RNF217: variants seen among roughly 807,000 people sequenced by gnomAD.
RNF217 encodes E3 ubiquitin-protein ligase RNF217.
In RNF217, 31 loss-of-function variants were observed where a neutral mutation model predicts 57.8. That is an observed-to-expected ratio of 0.54 (90% CI 0.40 to 0.72). RNF217 has a LOEUF of 0.72. Among genes scored for constraint, RNF217 ranks in the 30% least tolerant of loss-of-function variants. The pLI is 0.00. For missense variants in RNF217, 696 were observed against 708.3 expected (o/e 0.98, Z 0.20); for synonymous variants, 313 against 294.0 (o/e 1.06, Z -0.66).
chr6:125,036,842 T>A (rs1786645491), intron 1 of RNF217, among the ~76,000 whole-genome samples: 1 of 150,946 alleles, frequency 6.6e-6, no homozygotes, highest in African/African-American at 2.4e-5. Context: ...GAATGGCGAT[T>A]AAAAAGCCAG....
At chr6:125,025,773 G>A (rs910916575) in intron 1 of RNF217, among the ~76,000 whole-genome samples, 15 of 138,054 alleles carry the variant, frequency 1.1e-4, no homozygotes, top group African/African-American at 3.4e-4. Context: ...GGGAGGGAGG[G>A]AGGGAAGGAA....
chr6:125,008,469 A>T (rs1384226386), intron 1 of RNF217, among the ~76,000 whole-genome samples: 1 of 152,178 alleles, frequency 6.6e-6, no homozygotes, highest in African/African-American at 2.4e-5. Flanking sequence ...CATGAATCGC[A>T]TGCATACTGC....
At chr6:125,035,839 GT>G (rs1457123280) in intron 1 of RNF217, among the ~76,000 whole-genome samples, 1 of 148,268 alleles carries the variant, frequency 6.7e-6, no homozygotes, top group Non-Finnish European at 1.5e-5. Context: ...TTATTTGTGG[GT>G]TTTTTTGTTT....
chr6:125,032,354 A>T (rs1786396953), intron 1 of RNF217, among the ~76,000 whole-genome samples: 1 of 152,172 alleles, frequency 6.6e-6, no homozygotes, highest in South Asian at 2.1e-4. Context: ...CTCCATACCC[A>T]TAATTCTTAA....
rs572026398 is a variant in RNF217 at position 124,970,287 on chromosome 6, GA to G, written c.882+6863del. On this transcript the variant is annotated intron_variant, in intron 1 of 5. Transcript: ENST00000521654. ...TAAAAAGATCAGTTAGAAGACTATG[GA>G]ATAAATCAAAGGAGAGACAATACAG... 3.3e-5 allele frequency among the ~76,000 whole-genome samples: 5 copies of G among 152,306 alleles called. No homozygotes were observed. The South Asian group carries it at 1.0e-3, about 32-fold the overall frequency.
chr6:125,029,620 A>G lies in RNF217; in HGVS notation c.883-15591A>G, dbSNP rs1301499149. On this transcript the variant is annotated intron_variant, in intron 1 of 5. Transcript: ENST00000521654. Reference sequence around the variant, plus strand: ...AAGGCATTGATACTTGCCAATTTTGAAAGACCAAACTCTGTAGGGGGGAGA... The same window carrying G: ...AAGGCATTGATACTTGCCAATTTTGGAAGACCAAACTCTGTAGGGGGGAGA... Among the ~76,000 whole-genome samples, 7 of 152,322 alleles carry G rather than the reference A, an allele frequency of 4.6e-5. 1 individual carries two copies. The South Asian group carries it at 6.2e-4, about 14-fold the overall frequency.
intron 1 of RNF217, among the ~76,000 whole-genome samples, chr6:125,035,920 T>G: frequency 6.6e-6 from 1 of 152,078 alleles, no homozygotes; most frequent in Middle Eastern, 3.4e-3. Flanking sequence ...TTTATTTATT[T>G]TATTATATTT....
chr6:125,035,860 T>G (rs1786590153), intron 1 of RNF217, among the ~76,000 whole-genome samples: 3 of 151,994 alleles, frequency 2.0e-5, no homozygotes, highest in Non-Finnish European at 2.9e-5. Context: ...TTTGTTTGTT[T>G]GTTTGCAGCT....
intron 4 of RNF217, 86 bp from the exon 5 acceptor site, chr6:125,081,350 C>A: frequency 1.1e-6 from 1 of 927,294 alleles, no homozygotes; most frequent in Non-Finnish European, 1.7e-6. Flanking sequence ...AAATAATATA[C>A]ACTGTGGTAT....
intron 1 of RNF217, among the ~76,000 whole-genome samples, chr6:125,039,037 C>G (rs886280066): frequency 2.0e-5 from 3 of 152,004 alleles, no homozygotes; most frequent in Non-Finnish European, 2.9e-5. Flanking sequence ...CGCCTGCCCC[C>G]ATCCCTGCTG....
At position 125,090,418 on chromosome 6, in the gene RNF217, A is replaced by G. The variant is rs1385068359; in HGVS notation, c.*7481A>G. ...AGGCAATTTTATGAAACAAACATTT[A>G]TATCAATGTATATCTATTTCAAAAC... On this transcript the variant is annotated 3_prime_UTR_variant, in exon 6 of 6. Transcript: ENST00000521654. 1 of 151,984 alleles carries G rather than the reference A, an allele frequency of 6.6e-6. No individual in the cohort carries two copies. The highest frequency in any genetic ancestry group is 1.5e-5 in the Non-Finnish European group (1 of 67,890). The allele number at this position is 151,984 out of a possible 1,614,324, so 9.4% of individuals were successfully genotyped here.
intron 3 of RNF217, among the ~76,000 whole-genome samples, chr6:125,068,757 T>TA (rs1788031120): frequency 6.6e-6 from 1 of 152,312 alleles, no homozygotes; most frequent in East Asian, 1.9e-4. Context: ...GAAAGACAGC[T>TA]AGATGTTTCA....
chr6:125,007,040 GTAAA>G (rs1207689916), intron 1 of RNF217, among the ~76,000 whole-genome samples: 4 of 152,172 alleles, frequency 2.6e-5, no homozygotes, highest in Non-Finnish European at 5.9e-5. Context: ...TATTAAGTAT[GTAAA>G]TAAAGTTCTA....
chr6:124,991,893 A>G (rs912088501), intron 1 of RNF217, among the ~76,000 whole-genome samples: 1 of 152,120 alleles, frequency 6.6e-6, no homozygotes, highest in Admixed American at 6.5e-5. Flanking sequence ...CAGGTATAGC[A>G]CTTTTCTGTC....
At position 125,086,220 on chromosome 6, in the gene RNF217, T is replaced by G. The variant is rs142544995; in HGVS notation, c.*3283T>G. 3 of 152,142 alleles carry G rather than the reference T, an allele frequency of 2.0e-5. No individual in the cohort carries two copies. Among genetic ancestry groups the G allele is most frequent in the African/African-American group, 7.2e-5 (3 of 41,548 alleles). The allele number at this position is 152,142 out of a possible 1,614,324, so 9.4% of individuals were successfully genotyped here. ...AAAAGAAAGATTGTACAGGAGTGCA[T>G]AATTTTTAAAGAAAATCGTCTTTTG... On this transcript the variant is annotated 3_prime_UTR_variant, in exon 6 of 6. Transcript: ENST00000521654.
At chr6:125,053,628 G>A (rs898450087) in intron 2 of RNF217, among the ~76,000 whole-genome samples, 1 of 151,220 alleles carries the variant, frequency 6.6e-6, no homozygotes, top group African/African-American at 2.5e-5. Context: ...TTTATTTTGT[G>A]GGTTGTTTCC....
intron 1 of RNF217, among the ~76,000 whole-genome samples, chr6:124,999,582 A>G (rs1171954461): frequency 6.6e-6 from 1 of 152,160 alleles, no homozygotes; most frequent in African/African-American, 2.4e-5. Flanking sequence ...AAGTATAACT[A>G]CAGTCAAGCC....
rs1443403279 is a variant in RNF217, at chr6:125,092,404, G to A, written c.*9467G>A. 1.3e-5 allele frequency: 2 copies of A among 152,054 alleles called. No homozygotes were observed. Among genetic ancestry groups the A allele is most frequent in the African/African-American group, 2.4e-5 (1 of 41,398 alleles). 9.4% of individuals were successfully genotyped at this position (152,054 alleles called of 1,614,324 possible). ...TGGGCTTTTATAAAAAATTATTTTC[G>A]GTTGGTTGTTGTAGAATGGAAGAGT... On this transcript the variant is annotated 3_prime_UTR_variant, in exon 6 of 6. Coordinates refer to ENST00000521654, the MANE Select transcript of RNF217 (RefSeq NM_001286398.3).
rs1179592127 is a variant in RNF217 at position 125,090,633 on chromosome 6, C to A, written c.*7696C>A. On this transcript the variant is annotated 3_prime_UTR_variant, in exon 6 of 6. Coordinates refer to ENST00000521654, the MANE Select transcript of RNF217 (RefSeq NM_001286398.3). ...AACAATAGAAAATTAGAAGAAATTTCTTGATCATAAGATGAATAGTAATTT... is the reference window on the plus strand; with the variant it reads ...AACAATAGAAAATTAGAAGAAATTTATTGATCATAAGATGAATAGTAATTT... 3.3e-5 allele frequency: 5 copies of A among 151,644 alleles called. No homozygotes were observed. Among genetic ancestry groups the A allele is most frequent in the Non-Finnish European group, 7.4e-5 (5 of 67,772 alleles). 9.4% of individuals were successfully genotyped at this position (151,644 alleles called of 1,614,324 possible).
Sources: gnomAD v4.1 joint callset for allele counts (sites outside exome capture counted in the v4.1 genomes callset) on GRCh38, gnomAD v4.1.1 for gene constraint, MANE v1.5 for transcripts, NCBI Gene and HGNC (gene_info 2026-07-23, HGNC 2026-07-21) for gene names.